AP1AR: variants seen among roughly 807,000 people sequenced by gnomAD.
AP1AR encodes AP-1 complex-associated regulatory protein.
In AP1AR, 29 loss-of-function variants were observed where a neutral mutation model predicts 46.3. The ratio of observed to expected loss-of-function variants is 0.63; its 90% CI spans 0.47 to 0.85. The LOEUF is 0.85. Ranked by LOEUF, AP1AR falls within the 40% of genes least tolerant of loss-of-function variation. The pLI, the probability that AP1AR is intolerant of heterozygous loss-of-function variation, is 0.00. For synonymous variants in AP1AR, 122 were observed against 122.9 expected, an observed-to-expected ratio of 0.99 and a Z score of 0.05; for missense variants, 357 against 356.3, an observed-to-expected ratio of 1.00 and a Z score of -0.02.
At chr4:112,259,433 A>G (rs1410020970) in intron 4 of AP1AR, among the ~76,000 whole-genome samples, 2 of 152,204 alleles carry the variant, frequency 1.3e-5, no homozygotes, top group Admixed American at 6.5e-5. Context: ...TATAATCCTT[A>G]TATCTACCTT....
intron 3 of AP1AR, among the ~76,000 whole-genome samples, chr4:112,257,092 T>C (rs770144154): frequency 4.6e-5 from 7 of 152,212 alleles, no homozygotes; most frequent in Non-Finnish European, 8.8e-5. Context: ...ATAGCTTTCT[T>C]GGACTTTAGG....
intron 9 of AP1AR, among the ~76,000 whole-genome samples, chr4:112,267,163 T>C (rs1032246320): frequency 6.6e-6 from 1 of 151,922 alleles, no homozygotes; most frequent in Non-Finnish European, 1.5e-5. Flanking sequence ...GTTGAGTCTT[T>C]GTGATTTTTC....
intron 1 of AP1AR, among the ~76,000 whole-genome samples, chr4:112,247,956 T>C (rs1256582923): frequency 6.6e-6 from 1 of 152,178 alleles, no homozygotes; most frequent in Non-Finnish European, 1.5e-5. Flanking sequence ...TTACAGATCA[T>C]CAGTAAAAGT....
At chr4:112,256,683 G>C (rs778597829) in intron 3 of AP1AR, among the ~76,000 whole-genome samples, 2 of 152,134 alleles carry the variant, frequency 1.3e-5, no homozygotes, top group Non-Finnish European at 2.9e-5. Flanking sequence ...TTTCAGTTAT[G>C]AATAGTTTAA....
chr4:112,262,175 G>A (rs1263620423), intron 5 of AP1AR, among the ~76,000 whole-genome samples: 2 of 151,566 alleles, frequency 1.3e-5, no homozygotes, highest in Admixed American at 6.6e-5. Flanking sequence ...TTCACCCGGG[G>A]TGGTGGCGCA....
intron 1 of AP1AR, among the ~76,000 whole-genome samples, chr4:112,247,411 C>T (rs1182090191): frequency 6.6e-6 from 1 of 152,144 alleles, no homozygotes; most frequent in African/African-American, 2.4e-5. Context: ...GTTGTAGTTT[C>T]GAATTTGAAT....
intron 1 of AP1AR, among the ~76,000 whole-genome samples, chr4:112,235,997 T>A (rs765244818): frequency 1.3e-5 from 2 of 152,142 alleles, no homozygotes; most frequent in Non-Finnish European, 2.9e-5. Context: ...TTCTCTTTTT[T>A]AATTTCCTTC....
chr4:112,233,079 T>C (rs2110460466), intron 1 of AP1AR, among the ~76,000 whole-genome samples: 1 of 152,346 alleles, frequency 6.6e-6, no homozygotes, highest in African/African-American at 2.4e-5. Flanking sequence ...CCAAGCCAGT[T>C]TGTGTAAGGA....
rs565927972 is a variant in AP1AR at position 112,255,267 on chromosome 4, ATTT to A, written c.159+499_159+501del. Reference sequence around the variant, plus strand: ...AGCCACCGCGCCCAGCCAATTCCGAATTTTTTTACTATCTAAGATACACTATAT... The same window carrying A: ...AGCCACCGCGCCCAGCCAATTCCGAATTTTACTATCTAAGATACACTATAT... On this transcript the variant is annotated intron_variant, in intron 3 of 9. Transcript: ENST00000274000. Among the ~76,000 whole-genome samples, 27 of 118,808 alleles carry A rather than the reference ATTT, an allele frequency of 2.3e-4. 5 individuals are homozygous for A. The highest frequency in any genetic ancestry group is 1.0e-3 in the African/African-American group (27 of 25,886). 77.9% of individuals were successfully genotyped at this position (118,808 alleles called of 152,430 possible). A position where few individuals can be genotyped will look rare whatever the true frequency, so the allele number is the denominator to read the frequency against.
At chr4:112,241,989 A>T (rs1725521452) in intron 1 of AP1AR, among the ~76,000 whole-genome samples, 1 of 152,212 alleles carries the variant, frequency 6.6e-6, no homozygotes, top group Non-Finnish European at 1.5e-5. Flanking sequence ...GTCAAGCAAA[A>T]CATACAGGGA....
intron 1 of AP1AR, among the ~76,000 whole-genome samples, chr4:112,241,318 A>T (rs1725488016): frequency 6.6e-6 from 1 of 152,208 alleles, no homozygotes; most frequent in Non-Finnish European, 1.5e-5. Flanking sequence ...ATGTAGGTAG[A>T]TATATATAAA....
At chr4:112,245,909 AATAG>A (rs1455712080) in intron 1 of AP1AR, among the ~76,000 whole-genome samples, 3 of 152,166 alleles carry the variant, frequency 2.0e-5, no homozygotes, top group Non-Finnish European at 4.4e-5. Context: ...CAGCTTTTGT[AATAG>A]ATATTGCTGC....
intron 3 of AP1AR, among the ~76,000 whole-genome samples, chr4:112,255,957 C>T (rs376294926): frequency 4.7e-4 from 71 of 152,198 alleles, no homozygotes; most frequent in Non-Finnish European, 7.8e-4. Context: ...AAAATTGGTT[C>T]GACTAGAAGA....
At chr4:112,243,538 A>G (rs1056464436) in intron 1 of AP1AR, among the ~76,000 whole-genome samples, 1 of 152,126 alleles carries the variant, frequency 6.6e-6, no homozygotes, top group African/African-American at 2.4e-5. Context: ...ATCCCCGCTC[A>G]CTGTTTAGGA....
intron 1 of AP1AR, among the ~76,000 whole-genome samples, chr4:112,248,727 A>T (rs989748260): frequency 1.3e-5 from 2 of 152,186 alleles, no homozygotes; most frequent in Non-Finnish European, 2.9e-5. Context: ...ATTAAAATCT[A>T]AAACTCTTCC....
chr4:112,269,093 G>GATAGAT lies in AP1AR; in HGVS notation c.*687_*688insGATATA. ...AATAATAAAAAATAATATTTAAGAA[G>GATAGAT]ATATATATATATATATATTTAGTTT... On this transcript the variant is annotated 3_prime_UTR_variant, in exon 10 of 10. Transcript: ENST00000274000. The GATAGAT allele has an allele frequency of 1.4e-5, 2 of 146,154 alleles. No individual in the cohort carries two copies. The highest frequency in any genetic ancestry group is 4.3e-4 in the South Asian group (2 of 4,644). The allele number at this position is 146,154 out of a possible 1,614,324, so 9.1% of individuals were successfully genotyped here.
At chr4:112,245,706 G>C (rs181134773) in intron 1 of AP1AR, among the ~76,000 whole-genome samples, 7 of 152,226 alleles carry the variant, frequency 4.6e-5, no homozygotes, top group Admixed American at 4.6e-4. Context: ...AATAAGCTTC[G>C]TTCCTGACCC....
chr4:112,243,024 C>T (rs1350613970), intron 1 of AP1AR, among the ~76,000 whole-genome samples: 3 of 152,190 alleles, frequency 2.0e-5, no homozygotes, highest in Non-Finnish European at 4.4e-5. Flanking sequence ...CCCTAATTAA[C>T]ACACCTGAAT....
chr4:112,259,025 A>G (rs970410907), intron 4 of AP1AR, among the ~76,000 whole-genome samples: 1 of 152,150 alleles, frequency 6.6e-6, no homozygotes, highest in Non-Finnish European at 1.5e-5. Context: ...CTAGGCGGAC[A>G]CTAGAAGAGG....
Sources: allele counts gnomAD v4.1 joint callset (sites outside exome capture counted in the v4.1 genomes callset), GRCh38; gene constraint gnomAD v4.1.1; transcripts MANE v1.5; gene names NCBI Gene and HGNC (gene_info 2026-07-23, HGNC 2026-07-21).